PLCG2: variants seen among roughly 807,000 people sequenced by gnomAD.
PLCG2 encodes the protein 1-phosphatidylinositol 4,5-bisphosphate phosphodiesterase gamma-2.
A neutral mutation model predicts 175.6 loss-of-function variants in PLCG2; 69 were observed. That is an observed-to-expected ratio of 0.39 (90% confidence interval 0.32 to 0.48). The LOEUF (loss-of-function observed/expected upper bound fraction) is 0.48, where lower values mean the gene tolerates loss of function less well. Among genes scored for constraint, PLCG2 ranks in the 20% least tolerant of loss-of-function variants. The pLI is 0.91. For synonymous variants in PLCG2, 827 were observed against 624.0 expected, an observed-to-expected ratio of 1.33 and a Z score of -4.85; for missense variants, 1,798 against 1,650.9, an observed-to-expected ratio of 1.09 and a Z score of -1.54.
At chr16:81,765,608 A>AC (rs1910132323) in intron 2 of PLCG2, among the ~76,000 whole-genome samples, 1 of 43,926 alleles carries the variant, frequency 2.3e-5, no homozygotes, top group Non-Finnish European at 8.8e-5. Context: ...TCCAGCCTGG[A>AC]TGACAGAGTG....
chr16:81,808,702 C>G (rs1211024088), intron 2 of PLCG2, among the ~76,000 whole-genome samples: 1 of 152,060 alleles, frequency 6.6e-6, no homozygotes, highest in Non-Finnish European at 1.5e-5. Flanking sequence ...ACTGTGTTAG[C>G]CAGGATGGTC....
chr16:81,821,901 A>G lies in PLCG2; in HGVS notation c.194-32543A>G, dbSNP rs191041968. ...TTTTTTTTTCCAGAGCAGCACAAAG[A>G]GAGAGCCAGACAGGCCTGGGGTTCC... On this transcript the variant is annotated intron_variant, in intron 2 of 32. Coordinates refer to ENST00000564138, the MANE Select transcript of PLCG2 (RefSeq NM_002661.5). Among the ~76,000 whole-genome samples the G allele has an allele frequency of 5.1e-4, 77 of 151,800 alleles. 1 individual carries two copies. Among genetic ancestry groups the G allele is most frequent in the African/African-American group, 1.8e-3 (75 of 41,376 alleles).
At chr16:81,854,715 C>T (rs1906596188) in intron 3 of PLCG2, 128 bp downstream of exon 3, 2 of 799,284 alleles carry the variant, frequency 2.5e-6, no homozygotes, top group Admixed American at 2.2e-5. Flanking sequence ...GTTTTGAATC[C>T]CAGCCCTGCC....
rs1221776372 is a variant in PLCG2, at chr16:81,813,161, T to C, written c.193+26979T>C. On this transcript the variant is annotated intron_variant, in intron 2 of 32. Transcript: ENST00000564138. Reference sequence around the variant, plus strand: ...AGGGTTGTCTTGGTTATGTGGTCTCTTTTTTGGTTCCATATGAAATTTAAA... The same window carrying C: ...AGGGTTGTCTTGGTTATGTGGTCTCCTTTTTGGTTCCATATGAAATTTAAA... 1.2e-4 allele frequency among the ~76,000 whole-genome samples: 18 copies of C among 152,346 alleles called. No homozygotes were observed. The East Asian group carries it at 3.3e-3, about 28-fold the overall frequency.
intron 7 of PLCG2, among the ~76,000 whole-genome samples, chr16:81,873,446 A>G (rs1191266224): frequency 6.6e-6 from 1 of 152,228 alleles, no homozygotes; most frequent in Non-Finnish European, 1.5e-5. Context: ...TAGAATAATG[A>G]TGACAGTGTG....
intron 2 of PLCG2, among the ~76,000 whole-genome samples, chr16:81,835,282 T>C (rs534558918): frequency 6.6e-6 from 1 of 152,254 alleles, no homozygotes; most frequent in Non-Finnish European, 1.5e-5. Flanking sequence ...AGCTAACACT[T>C]AGTAAGTAGC....
intron 28 of PLCG2, among the ~76,000 whole-genome samples, chr16:81,938,168 G>C (rs896966611): frequency 6.6e-6 from 1 of 152,256 alleles, no homozygotes; most frequent in Admixed American, 6.5e-5. Context: ...TATCTTTCTG[G>C]GGTCCTGGTG....
At chr16:81,880,513 T>C (rs1908027075) in intron 7 of PLCG2, among the ~76,000 whole-genome samples, 1 of 152,194 alleles carries the variant, frequency 6.6e-6, no homozygotes, top group Non-Finnish European at 1.5e-5. Flanking sequence ...ACAATGGTTT[T>C]TCAAAGAAAG....
chr16:81,912,535 G>A, intron 18 of PLCG2, 62 bp from the exon 19 acceptor site: 2 of 1,591,994 alleles, frequency 1.3e-6, no homozygotes, highest in Non-Finnish European at 1.7e-6. Context: ...GTCCTCTGCG[G>A]GTGGCCCACT....
intron 14 of PLCG2, 30 bp downstream of exon 14, chr16:81,900,810 T>C: frequency 6.3e-7 from 1 of 1,581,154 alleles, no homozygotes; most frequent in African/African-American, 1.3e-5. Flanking sequence ...CTGTTGGCTG[T>C]CCAGGGAGCC....
intron 7 of PLCG2, among the ~76,000 whole-genome samples, chr16:81,872,451 G>A (rs1907561939): frequency 6.6e-6 from 1 of 152,200 alleles, no homozygotes; most frequent in Admixed American, 6.5e-5. Context: ...GCTGGAAGGG[G>A]TTGGGAAGAT....
At chr16:81,792,430 G>A (rs556380331) in intron 2 of PLCG2, among the ~76,000 whole-genome samples, 96 of 128,990 alleles carry the variant, frequency 7.4e-4, no homozygotes, top group African/African-American at 2.3e-3. Context: ...GCAGTGAGCC[G>A]AGATCACTCC....
intron 9 of PLCG2, among the ~76,000 whole-genome samples, chr16:81,887,701 C>A (rs4410069): frequency 0.66 from 100,119 of 152,078 alleles, 33,060 homozygotes; most frequent in Admixed American, 0.74. Flanking sequence ...CACATCTGGT[C>A]GCATATTTGC....
intron 21 of PLCG2, chr16:81,921,704 G>T (rs189007316): frequency 3.9e-6 from 1 of 257,018 alleles, no homozygotes; most frequent in East Asian, 1.1e-4. Context: ...TTCAGCCCTC[G>T]GCTCCTCCTT....
At chr16:81,799,916 G>T (rs1275295411) in intron 2 of PLCG2, among the ~76,000 whole-genome samples, 2 of 152,128 alleles carry the variant, frequency 1.3e-5, no homozygotes, top group Non-Finnish European at 2.9e-5. Flanking sequence ...TTTAAATGTC[G>T]ATGTTGGTTT....
intron 13 of PLCG2, chr16:81,898,481 G>A (rs1436881989): frequency 6.6e-6 from 1 of 152,220 alleles, no homozygotes; most frequent in East Asian, 1.9e-4. Context: ...CTTCCCAGGA[G>A]TGATGAGGCT....
intron 31 of PLCG2, among the ~76,000 whole-genome samples, chr16:81,951,449 T>C (rs776660438): frequency 1.3e-5 from 2 of 152,182 alleles, no homozygotes; most frequent in Non-Finnish European, 2.9e-5. Context: ...AAACACCTAT[T>C]AGATAAAACA....
At chr16:81,839,016 C>G (rs1175583826) in intron 2 of PLCG2, among the ~76,000 whole-genome samples, 3 of 152,026 alleles carry the variant, frequency 2.0e-5, no homozygotes, top group African/African-American at 7.2e-5. Flanking sequence ...TTATGACTCA[C>G]AGAACCAAGC....
chr16:81,773,894 C>T (rs1445127383), intron 2 of PLCG2, among the ~76,000 whole-genome samples: 1 of 152,100 alleles, frequency 6.6e-6, no homozygotes, highest in African/African-American at 2.4e-5. Context: ...CCTCCAACTA[C>T]ACTCTGTGCC....
Sources: allele counts gnomAD v4.1 joint callset (sites outside exome capture counted in the v4.1 genomes callset), GRCh38; gene constraint gnomAD v4.1.1; transcripts MANE v1.5; gene names NCBI Gene and HGNC (gene_info 2026-07-23, HGNC 2026-07-21).